Variants in CDKL2 observed in about 807,000 individuals in gnomAD.
The protein encoded by CDKL2 is cyclin dependent kinase like 2.
A neutral mutation model predicts 63.9 loss-of-function variants in CDKL2; 64 were observed. The observed-to-expected ratio is 1.00, with a 90% CI of 0.82 to 1.23. The LOEUF (loss-of-function observed/expected upper bound fraction) is 1.23. Ranked by LOEUF, CDKL2 falls within the 50% of genes most tolerant of loss-of-function variation. The probability of loss-of-function intolerance (pLI) is 0.00; values close to 1 mark genes in which losing one functional copy is unlikely to be tolerated. For synonymous variants in CDKL2, 211 were observed against 229.2 expected, an observed-to-expected ratio of 0.92 and a Z score of 0.72; for missense variants, 656 against 668.0, an observed-to-expected ratio of 0.98 and a Z score of 0.20.
chr4:75,627,598 T>C (rs1229246997), intron 1 of CDKL2, among the ~76,000 whole-genome samples: 1 of 152,120 alleles, frequency 6.6e-6, no homozygotes, highest in Non-Finnish European at 1.5e-5. Context: ...AAGATCAACT[T>C]TTTTGTTACA....
At position 75,597,173 on chromosome 4, in the gene CDKL2, C is replaced by T. The variant is rs771928597; in HGVS notation, c.1084G>A (p.Asp362Asn). ...TTGCCTTTTTCAGCTTTTTCTCCATCAATTTTTGAGCCTTTTATTTTAAAT... is the reference window on the plus strand; with the variant it reads ...TTGCCTTTTTCAGCTTTTTCTCCATTAATTTTTGAGCCTTTTATTTTAAAT... The part of the protein sequence containing the change: ...KLFKIKGSKI[D>N]GEKAEKGNRA... Residue 362 changes from aspartate to asparagine, a missense_variant, in exon 9 of 14, where the codon GAT (aspartate) becomes AAT (asparagine). Coordinates refer to ENST00000307465, the MANE Select transcript of CDKL2 (RefSeq NM_001330724.2). 5.0e-6 allele frequency: 8 copies of T among 1,613,182 alleles called. No homozygotes were observed. In the Admixed American group the frequency reaches 8.3e-5, roughly 17 times the overall value.
At position 75,576,860 on chromosome 4, in the gene CDKL2, A is replaced by C. The variant is rs1181502168; in HGVS notation, c.*2342T>G. On this transcript the variant is annotated 3_prime_UTR_variant, in exon 14 of 14. Transcript: ENST00000307465. ...GGGAAGTCAGATATTCTAAGCAAGC[A>C]AGGGATTCTCAGTCAGGAAAACCAG... 1.3e-5 allele frequency among the ~76,000 whole-genome samples: 2 copies of C among 152,232 alleles called. No individual in the cohort carries two copies. Among genetic ancestry groups the C allele is most frequent in the Non-Finnish European group, 2.9e-5 (2 of 68,042 alleles).
At chr4:75,598,310 A>C in intron 7 of CDKL2, 98 bp from the exon 8 acceptor site, 1 of 655,592 alleles carries the variant, frequency 1.5e-6, no homozygotes, top group South Asian at 2.8e-5. Flanking sequence ...TGAATGTTAA[A>C]CTAGTCTATG....
At chr4:75,588,439 A>G (rs930279417) in intron 12 of CDKL2, among the ~76,000 whole-genome samples, 7 of 152,190 alleles carry the variant, frequency 4.6e-5, no homozygotes, top group Non-Finnish European at 5.9e-5. Flanking sequence ...GGGAAATCAT[A>G]GTAGCAGTAA....
intron 12 of CDKL2, among the ~76,000 whole-genome samples, chr4:75,588,424 A>G (rs1728569766): frequency 6.6e-6 from 1 of 152,148 alleles, no homozygotes; most frequent in African/African-American, 2.4e-5. Flanking sequence ...ATCTTTTTTA[A>G]AAAAGGGAAA....
rs760956885 is a variant in CDKL2, at chr4:75,614,343, T to A, written c.275A>T (p.Glu92Val). Residue 92 changes from glutamate to valine, a missense_variant, in exon 3 of 14, where the codon GAG (glutamate) becomes GTG (valine). Glu to Val is a moderately radical substitution (Grantham distance 121). Coordinates refer to ENST00000307465, the MANE Select transcript of CDKL2 (RefSeq NM_001330724.2). ...FVDHTILDDL[E>V]LFPNGLDYQV... ...GTAGTCTAGTCCATTTGGAAAGAGCTCCAAGTCATCAAGAATTGTGTGGTC... is the reference window on the plus strand; with the variant it reads ...GTAGTCTAGTCCATTTGGAAAGAGCACCAAGTCATCAAGAATTGTGTGGTC... The A allele has an allele frequency of 1.2e-6, 2 of 1,611,278 alleles. No homozygotes were observed. Among genetic ancestry groups the A allele is most frequent in the Non-Finnish European group, 1.7e-6 (2 of 1,178,448 alleles).
chr4:75,613,119 C>A (rs1247223649), intron 3 of CDKL2, among the ~76,000 whole-genome samples: 4 of 19,952 alleles, frequency 2.0e-4, no homozygotes, highest in Admixed American at 5.5e-4. Context: ...AGGGAGACTC[C>A]GTTTCAAAAA....
chr4:75,611,830 T>G (rs1729711231), intron 3 of CDKL2, among the ~76,000 whole-genome samples: 1 of 151,912 alleles, frequency 6.6e-6, no homozygotes, highest in African/African-American at 2.4e-5. Context: ...AATTTTGTAT[T>G]TTTAGTAGAG....
chr4:75,585,599 A>T (rs985106511), intron 12 of CDKL2, among the ~76,000 whole-genome samples: 22 of 152,014 alleles, frequency 1.4e-4, no homozygotes, highest in African/African-American at 5.3e-4. Flanking sequence ...TTTCTAAAAA[A>T]ATAATAATAA....
chr4:75,608,532 A>G (rs1729533108), intron 3 of CDKL2, among the ~76,000 whole-genome samples: 1 of 152,178 alleles, frequency 6.6e-6, no homozygotes, highest in Non-Finnish European at 1.5e-5. Flanking sequence ...GAAGTGATAG[A>G]CAATGTGGTG....
chr4:75,588,214 CAA>C (rs35209743), intron 12 of CDKL2, among the ~76,000 whole-genome samples: 19 of 80,578 alleles, frequency 2.4e-4, no homozygotes, highest in South Asian at 4.0e-4. Flanking sequence ...AACTCAGTCT[CAA>C]AAAAAAAAAA....
At chr4:75,606,791 G>A (rs929439237) in intron 4 of CDKL2, among the ~76,000 whole-genome samples, 3 of 152,156 alleles carry the variant, frequency 2.0e-5, no homozygotes, top group Non-Finnish European at 4.4e-5. Context: ...CTTCTTTGAA[G>A]AATTCCCTTG....
intron 10 of CDKL2, 199 bp downstream of exon 10, chr4:75,596,020 GGAAGGAAGGAAGAAAGGAAGGAAGGAGT>G: frequency 1.9e-5 from 1 of 53,018 alleles, no homozygotes; most frequent in Non-Finnish European, 3.6e-5. Flanking sequence ...AAGGAAGGAA[GGAAGGAAGGAAGAAAGGAAGGAAGGAGT>G]TTTTAGACTC....
chr4:75,626,495 T>A (rs1181506943), intron 1 of CDKL2, among the ~76,000 whole-genome samples: 1 of 151,996 alleles, frequency 6.6e-6, no homozygotes, highest in African/African-American at 2.4e-5. Flanking sequence ...TGAAACCCCG[T>A]CTCTACTAAA....
At chr4:75,605,169 C>T (rs897103619) in intron 5 of CDKL2, among the ~76,000 whole-genome samples, 1 of 152,166 alleles carries the variant, frequency 6.6e-6, no homozygotes, top group African/African-American at 2.4e-5. Context: ...GACTGACCAA[C>T]ATGGAGAAAC....
chr4:75,606,311 T>A (rs1729425606), intron 4 of CDKL2, among the ~76,000 whole-genome samples: 1 of 151,534 alleles, frequency 6.6e-6, no homozygotes, highest in Admixed American at 6.6e-5. Flanking sequence ...GCCTCCCAGG[T>A]TCAAGTGATT....
At chr4:75,607,665 A>C (rs1276737630) in intron 3 of CDKL2, among the ~76,000 whole-genome samples, 1 of 152,216 alleles carries the variant, frequency 6.6e-6, no homozygotes. Flanking sequence ...TGAGGCAGTC[A>C]GGGGAAATTT....
intron 10 of CDKL2, 49 bp from the exon 11 acceptor site, chr4:75,592,318 C>T: frequency 6.9e-7 from 1 of 1,443,842 alleles, no homozygotes; most frequent in Non-Finnish European, 9.1e-7. Context: ...TCAAGGTTAG[C>T]TAGGCTTTCC....
chr4:75,610,135 G>A (rs952945610), intron 3 of CDKL2, among the ~76,000 whole-genome samples: 2 of 151,712 alleles, frequency 1.3e-5, no homozygotes, highest in Non-Finnish European at 2.9e-5. Context: ...CCTGGGAGGC[G>A]GAGCTTGCAG....
Sources: allele counts gnomAD v4.1 joint callset (sites outside exome capture counted in the v4.1 genomes callset), GRCh38; gene constraint gnomAD v4.1.1; transcripts MANE v1.5; gene names NCBI Gene and HGNC (gene_info 2026-07-23, HGNC 2026-07-21).